OSMR: variants seen among roughly 807,000 people sequenced by gnomAD.
OSMR encodes oncostatin-M-specific receptor subunit beta.
In OSMR, 81 loss-of-function variants were observed where a neutral mutation model predicts 99.9. That is an observed-to-expected ratio of 0.81 (90% CI 0.68 to 0.97). The LOEUF (loss-of-function observed/expected upper bound fraction) is 0.97, where lower values mean the gene tolerates loss of function less well. Among genes scored for constraint, OSMR ranks in the 50% least tolerant of loss-of-function variants. The pLI, the probability that OSMR is intolerant of heterozygous loss-of-function variation, is 0.00. For synonymous variants in OSMR, 406 were observed against 410.4 expected (o/e 0.99, Z 0.13); for missense variants, 1,099 against 1,153.4 (o/e 0.95, Z 0.68).
Position 38,917,653 on chromosome 5 carries a change from G to A in OSMR, c.1362+31G>A, listed in dbSNP as rs1745985555. ...ATGTGCAGATTCCAAAAGTCTGATT[G>A]TTTCCAAAAGTCACATTTGTGGAAA... On this transcript the variant is annotated intron_variant, in intron 10 of 17. Transcript: ENST00000274276. The A allele has an allele frequency of 2.6e-6, 4 of 1,556,906 alleles. No individual in the cohort carries two copies. In the East Asian group the frequency reaches 9.0e-5, roughly 35 times the overall value.
At chr5:38,932,716 C>A in intron 17 of OSMR, 156 bp from the exon 18 acceptor site, 1 of 985,336 alleles carries the variant, frequency 1.0e-6, no homozygotes, top group Non-Finnish European at 1.2e-6. Context: ...CAGGGGAAAT[C>A]TTTTGGTTTT....
At chr5:38,913,427 A>G (rs565107981) in intron 9 of OSMR, among the ~76,000 whole-genome samples, 1 of 151,966 alleles carries the variant, frequency 6.6e-6, no homozygotes, top group African/African-American at 2.4e-5. Flanking sequence ...GTGGCTGCCT[A>G]TAGTCCCAGC....
At chr5:38,901,887 G>A (rs1183940113) in intron 7 of OSMR, among the ~76,000 whole-genome samples, 1 of 152,128 alleles carries the variant, frequency 6.6e-6, no homozygotes, top group Non-Finnish European at 1.5e-5. Flanking sequence ...AGGTATATGT[G>A]GTCTCCAGTA....
At chr5:38,885,744 G>C in intron 6 of OSMR, 1 of 448,242 alleles carries the variant, frequency 2.2e-6, no homozygotes, top group Non-Finnish European at 3.0e-6. Flanking sequence ...AGTCCTGTCT[G>C]ATAATCTGGG....
intron 2 of OSMR, 122 bp from the exon 3 acceptor site, chr5:38,876,079 G>A: frequency 7.1e-7 from 1 of 1,407,002 alleles, no homozygotes. Context: ...CTGATTCTAG[G>A]ATGCACATAT....
At chr5:38,848,113 T>C (rs1009279591) in intron 1 of OSMR, among the ~76,000 whole-genome samples, 2 of 152,208 alleles carry the variant, frequency 1.3e-5, no homozygotes, top group Non-Finnish European at 1.5e-5. Context: ...GTGTGTATTT[T>C]CCTTGTGGGA....
intron 8 of OSMR, 75 bp downstream of exon 8, chr5:38,904,099 C>A: frequency 6.3e-7 from 1 of 1,586,388 alleles, no homozygotes; most frequent in South Asian, 1.1e-5. Flanking sequence ...TGAATAAAAT[C>A]ACTTTAAACT....
At chr5:38,939,174 C>T (rs779493999), downstream of OSMR, 1 of 232,808 alleles carries the variant, frequency 4.3e-6, no homozygotes, top group African/African-American at 2.2e-5. Flanking sequence ...AATGGAATAA[C>T]ATTTTATATA....
At chr5:38,912,130 T>TA (rs1051960342) in intron 9 of OSMR, among the ~76,000 whole-genome samples, 1 of 151,914 alleles carries the variant, frequency 6.6e-6, no homozygotes, top group Non-Finnish European at 1.5e-5. Flanking sequence ...GAAGTCAAAC[T>TA]ATCTTTGTTT....
In OSMR at chr5:38,884,065, A is replaced by T; in HGVS notation, c.657A>T (p.Gln219His). Reference sequence around the variant, plus strand: ...CAAATATCTATTGTGAGGCAAGTCAAGGAAATGTCAGTGAAGGCATGAAAG... The same window carrying T: ...CAAATATCTATTGTGAGGCAAGTCATGGAAATGTCAGTGAAGGCATGAAAG... Reference protein sequence around the residue: ...KGTNIYCEASQGNVSEGMKGI... With the variant: ...KGTNIYCEASHGNVSEGMKGI... Residue 219 changes from glutamine to histidine, a missense_variant, in exon 5 of 18, where the codon CAA (glutamine) becomes CAT (histidine). By Grantham distance (24) the Gln-to-His change is conservative. Coordinates refer to ENST00000274276, the MANE Select transcript of OSMR (RefSeq NM_003999.3). 6.2e-7 allele frequency: 1 copy of T among 1,614,150 alleles called. No individual in the cohort carries two copies. Among genetic ancestry groups the T allele is most frequent in the Non-Finnish European group, 8.5e-7 (1 of 1,179,968 alleles).
intron 1 of OSMR, among the ~76,000 whole-genome samples, chr5:38,848,788 G>A (rs1328799636): frequency 6.6e-6 from 1 of 151,992 alleles, no homozygotes; most frequent in Admixed American, 6.6e-5. Flanking sequence ...CTTTTTGTGT[G>A]TGTGTGAGAT....
At chr5:38,893,531 A>G (rs757272565) in intron 7 of OSMR, among the ~76,000 whole-genome samples, 12 of 152,238 alleles carry the variant, frequency 7.9e-5, no homozygotes, top group Admixed American at 6.5e-5. Context: ...GGAATTTCAA[A>G]ATACAATTTA....
At chr5:38,918,223 G>T (rs550626644) in intron 10 of OSMR, among the ~76,000 whole-genome samples, 2 of 152,052 alleles carry the variant, frequency 1.3e-5, no homozygotes, top group African/African-American at 2.4e-5. Context: ...TGCATGTCTG[G>T]GTTCTGTCCA....
At chr5:38,941,120 C>G (rs956485613) in intron 1 of OSMR, 3 of 232,618 alleles carry the variant, frequency 1.3e-5, no homozygotes, top group Non-Finnish European at 2.6e-5. Flanking sequence ...TAGACATATA[C>G]AAATTAAACA....
chr5:38,862,465 C>T (rs1287827797), intron 1 of OSMR, among the ~76,000 whole-genome samples: 18 of 150,462 alleles, frequency 1.2e-4, no homozygotes, highest in African/African-American at 3.9e-4. Context: ...TGGGCTGAGA[C>T]GCTCCTCACT....
At chr5:38,864,540 G>GTTTTTTTT (rs33918195) in intron 1 of OSMR, among the ~76,000 whole-genome samples, 6 of 147,240 alleles carry the variant, frequency 4.1e-5, no homozygotes, top group African/African-American at 5.0e-5. Flanking sequence ...CTTGCCTGAA[G>GTTTTTTTT]TTTTTTTTTT....
In OSMR at chr5:38,925,263, G is replaced by A. The variant is rs1746422721; in HGVS notation, c.2104G>A (p.Asp702Asn). ...CCCGGAAGAAAAGGCATTGATTGTGGACAACCTAAAGCCAGAATCCTTCTA... is the reference window on the plus strand; with the variant it reads ...CCCGGAAGAAAAGGCATTGATTGTGAACAACCTAAAGCCAGAATCCTTCTA... ...DNPEEKALIVDNLKPESFYEF... is the reference protein window; with the variant it reads ...DNPEEKALIVNNLKPESFYEF... The change falls in exon 15 of 18, where the codon GAC becomes AAC. Residue 702 changes from aspartate to asparagine, a missense_variant. By Grantham distance (23) the Asp-to-Asn change is conservative. Transcript: ENST00000274276. The A allele has an allele frequency of 6.2e-7, 1 of 1,613,948 alleles. No individual in the cohort carries two copies. The highest frequency in any genetic ancestry group is 8.5e-7 in the Non-Finnish European group (1 of 1,179,944).
chr5:38,847,888 G>A (rs1002082535), intron 1 of OSMR, among the ~76,000 whole-genome samples: 2 of 150,772 alleles, frequency 1.3e-5, no homozygotes, highest in African/African-American at 5.0e-5. Flanking sequence ...TGTTTCTTCC[G>A]CAGGGACCCG....
chr5:38,863,521 G>A (rs1410092495), intron 1 of OSMR, among the ~76,000 whole-genome samples: 1 of 152,122 alleles, frequency 6.6e-6, no homozygotes, highest in African/African-American at 2.4e-5. Flanking sequence ...TGGTGACAGA[G>A]CAAGACTTTG....
Sources: allele counts gnomAD v4.1 joint callset (sites outside exome capture counted in the v4.1 genomes callset), GRCh38; gene constraint gnomAD v4.1.1; transcripts MANE v1.5; gene names NCBI Gene and HGNC (gene_info 2026-07-23, HGNC 2026-07-21).